The following GPC6 variants were observed in gnomAD, a reference collection of about 807,000 sequenced individuals.
GPC6 encodes glypican 6.
In GPC6, 14 loss-of-function variants were observed where a neutral mutation model predicts 55.2. That is an observed-to-expected ratio of 0.25 (90% CI 0.17 to 0.40). The LOEUF (loss-of-function observed/expected upper bound fraction) is 0.40. Ranked by LOEUF, GPC6 falls within the 10% of genes least tolerant of loss-of-function variation. The pLI is 1.00. For synonymous variants in GPC6, 278 were observed against 259.6 expected (o/e 1.07, Z -0.68); for missense variants, 641 against 708.5 (o/e 0.90, Z 1.08).
At chr13:94,353,408 C>G (rs760584155) in intron 6 of GPC6, among the ~76,000 whole-genome samples, 4 of 152,152 alleles carry the variant, frequency 2.6e-5, no homozygotes, top group Non-Finnish European at 4.4e-5. Flanking sequence ...CTCCCCAGTT[C>G]CTCATGAAAA....
intron 3 of GPC6, among the ~76,000 whole-genome samples, chr13:93,878,637 C>G (rs1262782793): frequency 1.3e-5 from 2 of 152,082 alleles, no homozygotes; most frequent in African/African-American, 4.8e-5. Flanking sequence ...CTCAGCCTCC[C>G]AAAGTGCTAG....
chr13:93,523,102 TACAC>T (rs1285602123), intron 1 of GPC6, among the ~76,000 whole-genome samples: 1 of 150,942 alleles, frequency 6.6e-6, no homozygotes, highest in Non-Finnish European at 1.5e-5. Context: ...TATGACATTT[TACAC>T]ACACGTGTGT....
At chr13:93,547,801 T>C (rs568510002) in intron 2 of GPC6, among the ~76,000 whole-genome samples, 17 of 150,642 alleles carry the variant, frequency 1.1e-4, no homozygotes, top group Admixed American at 3.3e-4. Flanking sequence ...ATAATAATAA[T>C]AATCATCATC....
intron 6 of GPC6, among the ~76,000 whole-genome samples, chr13:94,317,798 C>A (rs1876614967): frequency 6.6e-6 from 1 of 151,980 alleles, no homozygotes; most frequent in African/African-American, 2.4e-5. Context: ...AGCTGACTTT[C>A]AATAACTTGG....
chr13:93,444,195 C>CTTATTTT (rs755978023), intron 1 of GPC6, among the ~76,000 whole-genome samples: 1 of 110,704 alleles, frequency 9.0e-6, no homozygotes, highest in African/African-American at 3.3e-5. Context: ...TGCAATTCTT[C>CTTATTTT]TTTTTTTTTT....
At chr13:93,276,713 C>T (rs545921782) in intron 1 of GPC6, among the ~76,000 whole-genome samples, 4 of 152,058 alleles carry the variant, frequency 2.6e-5, no homozygotes, top group Admixed American at 2.0e-4. Flanking sequence ...TGGCTTGCTG[C>T]TGGCTTTTAT....
chr13:93,900,950 G>A (rs528052970), intron 3 of GPC6, among the ~76,000 whole-genome samples: 6 of 152,172 alleles, frequency 3.9e-5, no homozygotes, highest in Non-Finnish European at 8.8e-5. Flanking sequence ...ATGAGGCCCA[G>A]CTGTTCTATC....
chr13:93,464,850 T>C (rs1878847698), intron 1 of GPC6, among the ~76,000 whole-genome samples: 1 of 152,212 alleles, frequency 6.6e-6, no homozygotes, highest in Admixed American at 6.5e-5. Flanking sequence ...GTTATAGCCT[T>C]ATGAAATGTA....
At chr13:93,664,680 T>C (rs892444436) in intron 2 of GPC6, among the ~76,000 whole-genome samples, 9 of 152,120 alleles carry the variant, frequency 5.9e-5, no homozygotes, top group Non-Finnish European at 1.3e-4. Context: ...TGCAGTCATG[T>C]GATCTCGGCT....
chr13:93,700,451 C>T (rs1307159958), intron 2 of GPC6, among the ~76,000 whole-genome samples: 5 of 152,096 alleles, frequency 3.3e-5, no homozygotes, highest in Non-Finnish European at 7.4e-5. Context: ...TACAGAAGCA[C>T]TAACCCTGAC....
chr13:93,302,305 G>T (rs2139095647), intron 1 of GPC6, among the ~76,000 whole-genome samples: 1 of 152,262 alleles, frequency 6.6e-6, no homozygotes, highest in South Asian at 2.1e-4. Context: ...ACTGGTAAAT[G>T]ATGAAATGGC....
chr13:93,545,027 C>A (rs1268996428), intron 1 of GPC6, among the ~76,000 whole-genome samples: 1 of 152,146 alleles, frequency 6.6e-6, no homozygotes, highest in African/African-American at 2.4e-5. Context: ...AGTTTTAATG[C>A]ACCTTCACTT....
chr13:93,879,999 T>C (rs2140308893), intron 3 of GPC6, among the ~76,000 whole-genome samples: 2 of 150,934 alleles, frequency 1.3e-5, no homozygotes, highest in African/African-American at 4.9e-5. Context: ...GAAATGCAAA[T>C]CAAAACCACA....
chr13:93,815,447 G>GA (rs1162797578), intron 2 of GPC6, among the ~76,000 whole-genome samples: 1 of 152,032 alleles, frequency 6.6e-6, no homozygotes, highest in Non-Finnish European at 1.5e-5. Flanking sequence ...TTAACATGAT[G>GA]AAAAATGACC....
At chr13:94,163,550 A>AT (rs1455459198) in intron 4 of GPC6, among the ~76,000 whole-genome samples, 1 of 152,182 alleles carries the variant, frequency 6.6e-6, no homozygotes, top group African/African-American at 2.4e-5. Context: ...TATGGGAGGT[A>AT]TTTTTAAAAG....
intron 1 of GPC6, among the ~76,000 whole-genome samples, chr13:93,316,829 T>C (rs527888600): frequency 6.6e-6 from 1 of 152,246 alleles, no homozygotes; most frequent in Admixed American, 6.5e-5. Context: ...GATTAAATGT[T>C]TGTTTCATTG....
chr13:93,692,412 T>C (rs1402496939), intron 2 of GPC6, among the ~76,000 whole-genome samples: 1 of 152,132 alleles, frequency 6.6e-6, no homozygotes, highest in Non-Finnish European at 1.5e-5. Flanking sequence ...TTTTATTAAG[T>C]CATATAATTG....
intron 1 of GPC6, among the ~76,000 whole-genome samples, chr13:93,388,057 A>G (rs1248067793): frequency 1.3e-5 from 2 of 152,136 alleles, no homozygotes; most frequent in African/African-American, 4.8e-5. Context: ...GCAATCCTGT[A>G]TCACAACAGG....
chr13:94,091,886 A>G (rs1043857237), intron 4 of GPC6, among the ~76,000 whole-genome samples: 8 of 126,950 alleles, frequency 6.3e-5, no homozygotes, highest in African/African-American at 2.1e-4. Flanking sequence ...AGAACTCGAG[A>G]TCAAATTCTG....
Sources: gnomAD v4.1 joint callset for allele counts (sites outside exome capture counted in the v4.1 genomes callset) on GRCh38, gnomAD v4.1.1 for gene constraint, MANE v1.5 for transcripts, NCBI Gene and HGNC (gene_info 2026-07-23, HGNC 2026-07-21) for gene names.